The following ARHGEF37 variants were observed in gnomAD, a reference collection of about 807,000 sequenced individuals.
The protein encoded by ARHGEF37 is Rho guanine nucleotide exchange factor (GEF) 37.
ARHGEF37 carries 55 observed loss-of-function variants against 71.1 expected under a neutral mutation model. That is an observed-to-expected ratio of 0.77 (90% CI 0.62 to 0.97). ARHGEF37 has a LOEUF of 0.97. Ranked by LOEUF, ARHGEF37 falls within the 50% of genes least tolerant of loss-of-function variation. The pLI, the probability that ARHGEF37 is intolerant of heterozygous loss-of-function variation, is 0.00. For missense variants in ARHGEF37, 765 were observed against 836.8 expected (o/e 0.91, Z 1.06); for synonymous variants, 327 against 350.6 (o/e 0.93, Z 0.75).
intron 1 of ARHGEF37, among the ~76,000 whole-genome samples, chr5:149,587,878 C>T (rs906508837): frequency 2.1e-5 from 3 of 145,162 alleles, no homozygotes; most frequent in Non-Finnish European, 3.0e-5. Flanking sequence ...TTCTGTAGGT[C>T]TTCCCTCCCT....
In ARHGEF37 at chr5:149,632,072, A is replaced by G. The variant is rs761583141; in HGVS notation, c.1909A>G (p.Lys637Glu). The G allele has an allele frequency of 6.2e-7, 1 of 1,614,230 alleles. No individual in the cohort carries two copies. The highest frequency in any genetic ancestry group is 8.5e-7 in the Non-Finnish European group (1 of 1,180,028). Residue 637 changes from lysine to glutamate, a missense_variant, in exon 13 of 13, where the codon AAG (lysine) becomes GAG (glutamate). Transcript: ENST00000333677. ...QPVTILEAQD[K>E]KGNPEWSLVE... The stretch of plus-strand genomic sequence containing the variant: ...TGTGACCATCCTGGAGGCCCAGGAC[A>G]AGAAGGGGAACCCTGAGTGGAGCCT...
At chr5:149,575,882 C>T (rs1287313051) in intron 1 of ARHGEF37, among the ~76,000 whole-genome samples, 2 of 151,242 alleles carry the variant, frequency 1.3e-5, no homozygotes, top group Non-Finnish European at 2.9e-5. Context: ...CCTGCCGTCC[C>T]CCCCCTCAAA....
intron 1 of ARHGEF37, among the ~76,000 whole-genome samples, chr5:149,593,986 T>TATTTTTC (rs1480641294): frequency 6.6e-6 from 1 of 152,252 alleles, no homozygotes; most frequent in Non-Finnish European, 1.5e-5. Context: ...ATTATTAGTT[T>TATTTTTC]ATTTTTCATG....
chr5:149,589,323 T>TTA, intron 1 of ARHGEF37, among the ~76,000 whole-genome samples: 1 of 151,568 alleles, frequency 6.6e-6, no homozygotes, highest in South Asian at 2.1e-4. Context: ...CATAATGTTT[T>TTA]ATTAATTAAT....
chr5:149,579,101 A>G (rs1763059271), upstream of ARHGEF37, among the ~76,000 whole-genome samples: 1 of 152,242 alleles, frequency 6.6e-6, no homozygotes, highest in South Asian at 2.1e-4. Flanking sequence ...GTCTAAAACC[A>G]CAGAATACTC....
At chr5:149,621,448 A>C (rs996148085) in intron 8 of ARHGEF37, among the ~76,000 whole-genome samples, 5 of 152,042 alleles carry the variant, frequency 3.3e-5, no homozygotes, top group African/African-American at 9.7e-5. Context: ...AAAAAAAAAA[A>C]CAAAAAACTT....
intron 1 of ARHGEF37, among the ~76,000 whole-genome samples, chr5:149,587,853 T>C (rs1391870595): frequency 1.3e-5 from 2 of 151,860 alleles, no homozygotes; most frequent in Admixed American, 6.6e-5. Flanking sequence ...AGGGTCCCTA[T>C]GTGCACATTC....
intron 4 of ARHGEF37, 141 bp downstream of exon 4, chr5:149,609,836 CAGG>C: frequency 1.7e-6 from 2 of 1,188,974 alleles, no homozygotes; most frequent in Non-Finnish European, 2.3e-6. Context: ...CAGGATAGGG[CAGG>C]CTGTGCCACA....
At position 149,584,823 on chromosome 5, in the gene ARHGEF37, T is replaced by C. The variant is rs375961123; in HGVS notation, c.-12+3199T>C. ...TTTTAGTAGAGACAGGGTTTCACCA[T>C]GTTGGCCAGGCTGGTCTTGAACTCC... is the stretch of plus-strand genomic sequence containing the variant. On this transcript the variant is annotated intron_variant, in intron 1 of 12. Transcript: ENST00000333677. Among the ~76,000 whole-genome samples, 6 of 152,280 alleles carry C rather than the reference T, an allele frequency of 3.9e-5. No individual in the cohort carries two copies. In the East Asian group the frequency reaches 9.7e-4, roughly 25 times the overall value.
intron 9 of ARHGEF37, 121 bp from the exon 10 acceptor site, chr5:149,623,891 G>A (rs555736815): frequency 4.4e-5 from 58 of 1,330,026 alleles, no homozygotes; most frequent in Non-Finnish European, 5.3e-5. Flanking sequence ...CAGGGTCAAG[G>A]TCTCAGGACA....
At chr5:149,605,356 C>T (rs573855627) in intron 3 of ARHGEF37, among the ~76,000 whole-genome samples, 1 of 152,068 alleles carries the variant, frequency 6.6e-6, no homozygotes, top group East Asian at 1.9e-4. Flanking sequence ...TTTTATTTAA[C>T]TCAATAGATC....
chr5:149,567,479 T>C (rs975273774), intron 1 of ARHGEF37, among the ~76,000 whole-genome samples: 1 of 152,244 alleles, frequency 6.6e-6, no homozygotes, highest in Non-Finnish European at 1.5e-5. Context: ...TGTTCCACAC[T>C]AAACTTTCAC....
At chr5:149,612,210 C>G (rs1018143284) in intron 4 of ARHGEF37, among the ~76,000 whole-genome samples, 1 of 152,164 alleles carries the variant, frequency 6.6e-6, no homozygotes, top group Admixed American at 6.5e-5. Flanking sequence ...CTCTGTCGCC[C>G]AGGCTGGAGT....
upstream of ARHGEF37, among the ~76,000 whole-genome samples, chr5:149,580,785 A>G (rs1213539675): frequency 6.6e-6 from 1 of 152,250 alleles, no homozygotes; most frequent in Non-Finnish European, 1.5e-5. Flanking sequence ...AAGAAGTGGC[A>G]GAATGAGAAA....
chr5:149,569,809 G>A (rs1184318477), intron 1 of ARHGEF37, among the ~76,000 whole-genome samples: 1 of 151,368 alleles, frequency 6.6e-6, no homozygotes, highest in African/African-American at 2.4e-5. Flanking sequence ...TTAGTTGAGC[G>A]AGGGTTTCAC....
intron 1 of ARHGEF37, among the ~76,000 whole-genome samples, chr5:149,566,516 C>G (rs1263895136): frequency 2.1e-5 from 3 of 145,668 alleles, no homozygotes; most frequent in Non-Finnish European, 4.5e-5. Flanking sequence ...TCCTCCCCCC[C>G]AAAAAAACCA....
intron 11 of ARHGEF37, among the ~76,000 whole-genome samples, chr5:149,628,136 C>G (rs1231375643): frequency 6.6e-6 from 1 of 152,146 alleles, no homozygotes; most frequent in Non-Finnish European, 1.5e-5. Flanking sequence ...GCAAGGCCCC[C>G]GAGGCCAAGA....
intron 1 of ARHGEF37, among the ~76,000 whole-genome samples, chr5:149,552,743 A>G (rs1762698231): frequency 6.6e-6 from 1 of 152,096 alleles, no homozygotes; most frequent in Non-Finnish European, 1.5e-5. Context: ...GAGTCTGAGA[A>G]TCGCTTGAAC....
chr5:149,571,432 T>G (rs1347695981), intron 1 of ARHGEF37, among the ~76,000 whole-genome samples: 1 of 152,076 alleles, frequency 6.6e-6, no homozygotes, highest in Non-Finnish European at 1.5e-5. Context: ...CAACAAAAGT[T>G]GAGTATGACC....
Sources: allele counts gnomAD v4.1 joint callset (sites outside exome capture counted in the v4.1 genomes callset), GRCh38; gene constraint gnomAD v4.1.1; transcripts MANE v1.5; gene names NCBI Gene and HGNC (gene_info 2026-07-23, HGNC 2026-07-21).